TRPM6: variants seen among roughly 807,000 people sequenced by gnomAD.
The protein encoded by TRPM6 is channel kinase 2.
TRPM6 carries 111 observed loss-of-function variants against 247.6 expected under a neutral mutation model. The observed-to-expected ratio is 0.45, with a 90% CI of 0.38 to 0.52. The LOEUF (loss-of-function observed/expected upper bound fraction) is 0.52. TRPM6 is among the 20% of genes least tolerant of loss of function. The pLI, the probability that TRPM6 is intolerant of heterozygous loss-of-function variation, is 0.00. For missense variants in TRPM6, 2,126 were observed against 2,421.5 expected (o/e 0.88, Z 2.56); for synonymous variants, 892 against 853.8 (o/e 1.04, Z -0.78).
chr9:74,728,301 G>A lies in TRPM6; in HGVS notation c.5873C>T (p.Ala1958Val), dbSNP rs760216320. 6.2e-7 allele frequency: 1 copy of A among 1,614,040 alleles called. No homozygotes were observed. Among genetic ancestry groups the A allele is most frequent in the Non-Finnish European group, 8.5e-7 (1 of 1,179,988 alleles). ...ATGTTTTGCAATGAAGTTTCTAATT[G>A]CATCTTCCCCCAAATTGGCCGGTCC... ...VFGPANLGED[A>V]IRNFIAKHHC... The change falls in exon 38 of 39, where the codon GCA becomes GTA. Residue 1958 changes from alanine (A) to valine (V), a missense_variant. By Grantham distance (64) the Ala-to-Val change is moderately conservative. Coordinates refer to ENST00000360774, the MANE Select transcript of TRPM6 (RefSeq NM_017662.5).
chr9:74,748,053 T>C (rs1826112758), intron 30 of TRPM6, 139 bp from the exon 31 acceptor site: 1 of 782,756 alleles, frequency 1.3e-6, no homozygotes, highest in Non-Finnish European at 2.1e-6. Context: ...TACAGTCATG[T>C]ACTGCCTAAT....
chr9:74,871,190 T>C (rs62568413), intron 1 of TRPM6, among the ~76,000 whole-genome samples: 15,890 of 147,420 alleles, frequency 0.11, 1,043 homozygotes, highest in Admixed American at 0.16. Flanking sequence ...TTTTTTCTAA[T>C]AGATAATATT....
chr9:74,881,195 A>G (rs1198791560), intron 1 of TRPM6, among the ~76,000 whole-genome samples: 2 of 152,124 alleles, frequency 1.3e-5, no homozygotes, highest in African/African-American at 2.4e-5. Flanking sequence ...AACTCATCTC[A>G]CCTATAAAGA....
Position 74,724,762 on chromosome 9 carries a change from G to A in TRPM6, c.5936-16C>T. The A allele has an allele frequency of 6.2e-7, 1 of 1,614,026 alleles. No individual in the cohort carries two copies. The highest frequency in any genetic ancestry group is 8.5e-7 in the Non-Finnish European group (1 of 1,179,984). On this transcript the variant is annotated splice_polypyrimidine_tract_variant and intron_variant, in intron 38 of 38. Transcript: ENST00000360774. ...CTTTTTAAATCTGCAAGGAGGACAA[G>A]TAAAAAGGTTATAGTGGAACCCCAA...
intron 21 of TRPM6, 104 bp downstream of exon 21, chr9:74,785,770 G>C (rs754589736): frequency 2.2e-5 from 28 of 1,292,120 alleles, no homozygotes; most frequent in Non-Finnish European, 2.8e-5. Flanking sequence ...TGATCCGCCC[G>C]CCTTGGCCTC....
At chr9:74,866,065 C>T (rs1007765999) in intron 1 of TRPM6, among the ~76,000 whole-genome samples, 19 of 152,162 alleles carry the variant, frequency 1.2e-4, no homozygotes, top group African/African-American at 4.6e-4. Context: ...CTTTGGGAGG[C>T]CATGGCTAGA....
intron 1 of TRPM6, among the ~76,000 whole-genome samples, chr9:74,872,476 C>A (rs1831055748): frequency 6.6e-6 from 1 of 152,084 alleles, no homozygotes; most frequent in East Asian, 1.9e-4. Flanking sequence ...TGTGCCCAAG[C>A]TGGAGTGCAG....
chr9:74,827,998 C>T (rs1315345447), intron 6 of TRPM6, 49 bp from the exon 7 acceptor site: 2 of 1,578,354 alleles, frequency 1.3e-6, no homozygotes, highest in Non-Finnish European at 1.7e-6. Flanking sequence ...GATCCTTCCC[C>T]AGGCTCACCT....
At chr9:74,843,952 T>C (rs987367364) in intron 3 of TRPM6, among the ~76,000 whole-genome samples, 19 of 152,098 alleles carry the variant, frequency 1.2e-4, no homozygotes, top group Non-Finnish European at 2.5e-4. Flanking sequence ...AGCTCTTGGG[T>C]GACCAGGTGT....
intron 1 of TRPM6, among the ~76,000 whole-genome samples, chr9:74,870,761 T>C (rs1428087512): frequency 6.6e-6 from 1 of 151,986 alleles, no homozygotes; most frequent in Non-Finnish European, 1.5e-5. Context: ...CCATCTCTAC[T>C]AAAAATACAA....
At chr9:74,862,310 C>T (rs1422041317) in intron 1 of TRPM6, among the ~76,000 whole-genome samples, 1 of 152,106 alleles carries the variant, frequency 6.6e-6, no homozygotes, top group Non-Finnish European at 1.5e-5. Context: ...TAGCTTCTGC[C>T]ACTAGAGCAG....
chr9:74,798,373 GTGTT>G (rs1828177545), intron 17 of TRPM6, among the ~76,000 whole-genome samples: 1 of 151,006 alleles, frequency 6.6e-6, no homozygotes, highest in South Asian at 2.1e-4. Flanking sequence ...TTTTATTTGT[GTGTT>G]TGTTTTTTGT....
chr9:74,810,156 GT>G (rs1217548236), intron 13 of TRPM6, among the ~76,000 whole-genome samples: 1 of 151,950 alleles, frequency 6.6e-6, no homozygotes, highest in Non-Finnish European at 1.5e-5. Flanking sequence ...TAAATAAAAA[GT>G]ACTCCCAATT....
Position 74,842,229 on chromosome 9 carries a change from T to G in TRPM6, c.267A>C (p.Lys89Asn). Residue 89 changes from lysine (K) to asparagine (N), a missense_variant, in exon 4 of 39, where the codon AAA (lysine) becomes AAC (asparagine). Physicochemically the swap from Lys to Asn is moderately conservative, Grantham distance 94. Around this residue, in one of 3 missense-constraint regions of TRPM6, gnomAD observed 1,082 missense variants for 1,307.9 expected, o/e 0.83. Coordinates refer to ENST00000360774, the MANE Select transcript of TRPM6 (RefSeq NM_017662.5). ...TCGTGCCAAAAGTATCTGTTGGGCT[T>G]TTCGTTGTGTGCTTTTCAACAGACC... ...EQWSVEKHTT[K>N]SPTDTFGTIN... 1 of 1,614,162 alleles carries G rather than the reference T, an allele frequency of 6.2e-7. No individual in the cohort carries two copies. The highest frequency in any genetic ancestry group is 1.1e-5 in the South Asian group (1 of 91,084).
chr9:74,783,031 C>A (rs894236297), intron 21 of TRPM6, among the ~76,000 whole-genome samples, 178 bp from the exon 22 acceptor site: 4 of 152,170 alleles, frequency 2.6e-5, no homozygotes, highest in African/African-American at 9.7e-5. Flanking sequence ...TTTTCTCACA[C>A]AGTATGCATT....
At chr9:74,789,931 A>G (rs914791046) in intron 19 of TRPM6, among the ~76,000 whole-genome samples, 1 of 139,398 alleles carries the variant, frequency 7.2e-6, no homozygotes, top group Admixed American at 8.2e-5. Flanking sequence ...ATTGCACTCC[A>G]GCCTGGGTGA....
intron 21 of TRPM6, among the ~76,000 whole-genome samples, 180 bp from the exon 22 acceptor site, chr9:74,783,033 GT>G (rs1383180342): frequency 6.6e-6 from 1 of 152,186 alleles, no homozygotes. Context: ...TTCTCACACA[GT>G]ATGCATTTCA....
intron 1 of TRPM6, among the ~76,000 whole-genome samples, chr9:74,877,582 G>C (rs1195637947): frequency 6.6e-6 from 1 of 152,060 alleles, no homozygotes; most frequent in Non-Finnish European, 1.5e-5. Context: ...CATATCCCTG[G>C]AGTCCCATTG....
chr9:74,829,542 A>G (rs1439257718), intron 6 of TRPM6, among the ~76,000 whole-genome samples: 2 of 152,146 alleles, frequency 1.3e-5, no homozygotes, highest in East Asian at 1.9e-4. Context: ...TTCCTCAGGT[A>G]TAAGTAAGGA....
Sources: allele counts gnomAD v4.1 joint callset (sites outside exome capture counted in the v4.1 genomes callset), GRCh38; gene constraint gnomAD v4.1.1; regional missense constraint gnomAD v4.1.1; transcripts MANE v1.5; gene names NCBI Gene and HGNC (gene_info 2026-07-23, HGNC 2026-07-21).